The following BEST2 variants were observed in gnomAD, a reference collection of about 807,000 sequenced individuals.
BEST2 encodes the protein bestrophin 2.
Under a neutral mutation model 49.0 loss-of-function variants are expected in BEST2, and 36 were observed. The ratio of observed to expected loss-of-function variants is 0.73; its 90% CI spans 0.56 to 0.97. The LOEUF (loss-of-function observed/expected upper bound fraction) is 0.97. BEST2 is among the 50% of genes least tolerant of loss of function. The probability of loss-of-function intolerance (pLI) is 0.00; values close to 1 mark genes in which losing one functional copy is unlikely to be tolerated. For missense variants in BEST2, 672 were observed against 710.0 expected (o/e 0.95, Z 0.61); for synonymous variants, 335 against 304.4 (o/e 1.10, Z -1.05).
At chr19:12,757,279 G>T (rs1440274059) in intron 9 of BEST2, among the ~76,000 whole-genome samples, 1 of 152,042 alleles carries the variant, frequency 6.6e-6, no homozygotes, top group Admixed American at 6.6e-5. Context: ...CGGTGTGGTG[G>T]CACGCACCTG....
chr19:12,753,231 A>T, intron 2 of BEST2, 29 bp from the exon 3 acceptor site: 1 of 1,609,692 alleles, frequency 6.2e-7, no homozygotes, highest in Non-Finnish European at 8.5e-7. Flanking sequence ...CACCCTTGTG[A>T]CCTGTGACCC....
intron 4 of BEST2, 44 bp from the exon 5 acceptor site, chr19:12,754,833 G>A (rs1967917837): frequency 6.3e-7 from 1 of 1,592,924 alleles, no homozygotes; most frequent in East Asian, 2.3e-5. Flanking sequence ...AGGACCAGGT[G>A]GAGGGGGGCA....
rs1967942241 is a variant in BEST2 at position 12,756,189 on chromosome 19, G to C, written c.997G>C (p.Glu333Gln). Reference sequence around the variant, plus strand: ...GATGTATGATGACCTGGCTGTGCTGGAGAAGGACTTGTACTGGGATGCAGC... The same window carrying C: ...GATGTATGATGACCTGGCTGTGCTGCAGAAGGACTTGTACTGGGATGCAGC... ...DEMYDDLAVL[E>Q]KDLYWDAAEA... Residue 333 changes from glutamate (E) to glutamine (Q), a missense_variant, in exon 9 of 10, where the codon GAG becomes CAG. Transcript: ENST00000553030. 5.0e-6 allele frequency: 8 copies of C among 1,614,138 alleles called. No individual in the cohort carries two copies. The highest frequency in any genetic ancestry group is 3.3e-5 in the South Asian group (3 of 91,092).
chr19:12,754,999 C>A lies in BEST2; in HGVS notation c.604C>A (p.Arg202Ser), dbSNP rs1253399633. 23 of 1,611,084 alleles carry A rather than the reference C, an allele frequency of 1.4e-5. No individual in the cohort carries two copies. Among genetic ancestry groups the A allele is most frequent in the Non-Finnish European group, 1.7e-5 (20 of 1,179,146 alleles). The change falls in exon 5 of 10, where the codon CGC (arginine) becomes AGC (serine). Residue 202 changes from arginine to serine, a missense_variant. Arg to Ser is a moderately radical substitution (Grantham distance 110, BLOSUM62 -1). This residue lies in a region of BEST2 where 365 missense variants were observed against 390.9 expected (regional missense o/e 0.93). Transcript: ENST00000553030. Reference sequence around the variant, plus strand: ...ACAGGCCCGACGCGAGGGCCGCATCCGCGACAACAGCGCCCTTAAGCTGCT... The same window carrying A: ...ACAGGCCCGACGCGAGGGCCGCATCAGCGACAACAGCGCCCTTAAGCTGCT... The part of the protein sequence containing the change: ...AAQARREGRI[R>S]DNSALKLLLE...
At position 12,758,425 on chromosome 19, in the gene BEST2, G is replaced by T; in HGVS notation, c.*348G>T. 1 of 298,090 alleles carries T rather than the reference G, an allele frequency of 3.4e-6. No individual in the cohort carries two copies. The highest frequency in any genetic ancestry group is 6.2e-6 in the Non-Finnish European group (1 of 162,206). 18.5% of individuals were successfully genotyped at this position (298,090 alleles called of 1,614,324 possible). On this transcript the variant is annotated 3_prime_UTR_variant, in exon 10 of 10. Coordinates refer to ENST00000553030, the MANE Select transcript of BEST2 (RefSeq NM_017682.3). ...CATTAAAGCATTTGGTATACAGTAGGTGCTCAATAAATTGCTAGTGATTTT... is the reference window on the plus strand; with the variant it reads ...CATTAAAGCATTTGGTATACAGTAGTTGCTCAATAAATTGCTAGTGATTTT...
rs1273351411 is a variant in BEST2 at position 12,752,587 on chromosome 19, G to C, written c.-6G>C. ...TCTCCCTTGGCCACACCTGCCGGGT[G>C]CCACGATGACCGTCACCTACACAGC... On this transcript the variant is annotated 5_prime_UTR_variant, in exon 2 of 10. Transcript: ENST00000553030. 27 of 1,610,828 alleles carry C rather than the reference G, an allele frequency of 1.7e-5. No individual in the cohort carries two copies. The highest frequency in any genetic ancestry group is 2.1e-5 in the Non-Finnish European group (25 of 1,179,394).
At position 12,755,128 on chromosome 19, in the gene BEST2, G is replaced by T; in HGVS notation, c.636+97G>T. Reference sequence around the variant, plus strand: ...GCCCTCCAAGCACCCCCACGAGGCCGATTTCAAACACCCTCACCAGGTGCA... The same window carrying T: ...GCCCTCCAAGCACCCCCACGAGGCCTATTTCAAACACCCTCACCAGGTGCA... On this transcript the variant is annotated intron_variant, in intron 5 of 9. Coordinates refer to ENST00000553030, the MANE Select transcript of BEST2 (RefSeq NM_017682.3). The surrounding 1 kb of genome is among the most constrained non-coding windows in gnomAD (Gnocchi z 4.4). The T allele has an allele frequency of 7.1e-7, 1 of 1,403,042 alleles. No individual in the cohort carries two copies. 86.9% of individuals were successfully genotyped at this position (1,403,042 alleles called of 1,614,324 possible).
Position 12,758,225 on chromosome 19 carries a change from T to C in BEST2, c.*148T>C, listed in dbSNP as rs921766877. ...CTCGCTGCCCGCATGTGTTTGGCGC[T>C]GTGCTAGGGGCGGGAGTTCTTCCAG... On this transcript the variant is annotated 3_prime_UTR_variant, in exon 10 of 10. Transcript: ENST00000553030. 3 of 1,027,726 alleles carry C rather than the reference T, an allele frequency of 2.9e-6. No individual in the cohort carries two copies. Among genetic ancestry groups the C allele is most frequent in the Non-Finnish European group, 4.2e-6 (3 of 718,952 alleles). 63.7% of individuals were successfully genotyped at this position (1,027,726 alleles called of 1,614,324 possible). A position where few individuals can be genotyped will look rare whatever the true frequency, so the allele number is the denominator to read the frequency against.
Position 12,758,083 on chromosome 19 carries a change from T to TA in BEST2, c.*7dup, listed in dbSNP as rs752240973. ...AGGAGGAGAATCTGGCCTGAGATCT[T>TA]AGAGCCCAGCCCCCTAAGGACAGGG... On this transcript the variant is annotated 3_prime_UTR_variant, in exon 10 of 10. Coordinates refer to ENST00000553030, the MANE Select transcript of BEST2 (RefSeq NM_017682.3). 4 of 1,612,088 alleles carry TA rather than the reference T, an allele frequency of 2.5e-6. No individual in the cohort carries two copies. The Admixed American group carries it at 6.7e-5, about 27-fold the overall frequency.
In BEST2 at chr19:12,754,618, C is replaced by T. The variant is rs770565791; in HGVS notation, c.314C>T (p.Ala105Val). The change falls in exon 4 of 10, where the codon GCG (alanine) becomes GTG (valine). Residue 105 changes from alanine to valine, a missense_variant. By Grantham distance (64) the Ala-to-Val change is moderately conservative (BLOSUM62 0). Coordinates refer to ENST00000553030, the MANE Select transcript of BEST2 (RefSeq NM_017682.3). ...TACCTATGCATGCCGCTGCCCGACG[C>T]GCTCATGTGCGTGGTGGCGGGCACC... ...SQYLCMPLPDALMCVVAGTVH... is the reference protein window; with the variant it reads ...SQYLCMPLPDVLMCVVAGTVH... The T allele has an allele frequency of 1.6e-4, 257 of 1,562,554 alleles. No individual in the cohort carries two copies. Among genetic ancestry groups the T allele is most frequent in the Non-Finnish European group, 2.1e-4 (243 of 1,150,734 alleles).
In BEST2 at chr19:12,757,748, G is replaced by T; in HGVS notation, c.1201G>T (p.Gly401Cys). 6.5e-7 allele frequency: 1 copy of T among 1,544,350 alleles called. No homozygotes were observed. The change falls in exon 10 of 10, where the codon GGC (glycine) becomes TGC (cysteine). Residue 401 changes from glycine to cysteine, a missense_variant. Physicochemically the swap from Gly to Cys is radical, Grantham distance 159 (BLOSUM62 -3). Transcript: ENST00000553030. ...CTTCCTGCAGCGCCTCCTGCCGGCG[G>T]GCGCGGGCATGGTCGCGGGAGGCCC... ...GDFLQRLLPA[G>C]AGMVAGGPLG...
chr19:12,754,487 A>G (rs1303705817), intron 3 of BEST2, 65 bp from the exon 4 acceptor site: 1 of 1,341,352 alleles, frequency 7.5e-7, no homozygotes, highest in African/African-American at 1.5e-5. Flanking sequence ...CTCTCCCACA[A>G]CCTGGGCCCC....
chr19:12,752,702 T>C lies in BEST2; in HGVS notation c.110T>C (p.Leu37Pro), dbSNP rs1313838971. 6.2e-7 allele frequency: 1 copy of C among 1,612,350 alleles called. No homozygotes were observed. Among genetic ancestry groups the C allele is most frequent in the Non-Finnish European group, 8.5e-7 (1 of 1,179,820 alleles). The change falls in exon 2 of 10, where the codon CTC becomes CCC. Residue 37 changes from leucine to proline, a missense_variant. Transcript: ENST00000553030. Reference sequence around the variant, plus strand: ...TACAAACTCCTGTGGCGAGAGCTGCTCTGCTTCCTTGGGTTCTACATGGCG... The same window carrying C: ...TACAAACTCCTGTGGCGAGAGCTGCCCTGCTTCCTTGGGTTCTACATGGCG... ...SIYKLLWREL[L>P]CFLGFYMALS...
rs1251486466 is a variant in BEST2, at chr19:12,757,958, C to A, written c.1411C>A (p.Leu471Ile). The A allele has an allele frequency of 1.2e-6, 2 of 1,603,470 alleles. No individual in the cohort carries two copies. Among genetic ancestry groups the A allele is most frequent in the African/African-American group, 1.3e-5 (1 of 74,878 alleles). Residue 471 changes from leucine (L) to isoleucine (I), a missense_variant, in exon 10 of 10, where the codon CTT (leucine) becomes ATT (isoleucine). Physicochemically the swap from Leu to Ile is conservative, Grantham distance 5 (BLOSUM62 2). Around this residue, in one of 3 missense-constraint regions of BEST2, gnomAD observed 291 missense variants for 279.8 expected, o/e 1.04. Transcript: ENST00000553030. The stretch of plus-strand genomic sequence containing the variant: ...CCCGCCCCCTGCGGGTCCCGAACCG[C>A]TTACCCTCATCCCTGGGCCTGTCGA... The part of the protein sequence containing the change: ...EAPPPAGPEP[L>I]TLIPGPVEPF...
chr19:12,757,614 G>A (rs1381907288), intron 9 of BEST2, 37 bp from the exon 10 acceptor site: 1 of 1,517,506 alleles, frequency 6.6e-7, no homozygotes, highest in Non-Finnish European at 8.8e-7. Flanking sequence ...TCAACAAGAG[G>A]CGAGGCCGCA....
chr19:12,757,582 G>C (rs1260886710), intron 9 of BEST2, 69 bp from the exon 10 acceptor site: 1 of 1,474,358 alleles, frequency 6.8e-7, no homozygotes, highest in East Asian at 2.5e-5. Flanking sequence ...AGGGAAATCA[G>C]CGCGCCTGGG....
At position 12,753,903 on chromosome 19, in the gene BEST2, C is replaced by A. The variant is rs144018573; in HGVS notation, c.247+549C>A. ...CTGATGTACACCCCCACAAACCAGG[C>A]CCCTCTCCCCTTGTTTTAGGTCCCT... On this transcript the variant is annotated intron_variant, in intron 3 of 9. Coordinates refer to ENST00000553030, the MANE Select transcript of BEST2 (RefSeq NM_017682.3). Among the ~76,000 whole-genome samples, 1,264 of 152,072 alleles carry A rather than the reference C, an allele frequency of 8.3e-3. 15 individuals are homozygous for A. Among genetic ancestry groups the A allele is most frequent in the Non-Finnish European group, 0.014 (939 of 67,980 alleles).
chr19:12,757,508 C>G lies in BEST2; in HGVS notation c.1104-143C>G, dbSNP rs1967959220. 4.5e-6 allele frequency: 4 copies of G among 880,512 alleles called. No individual in the cohort carries two copies. The South Asian group carries it at 7.2e-5, about 16-fold the overall frequency. The allele number at this position is 880,512 out of a possible 1,614,324, so 54.5% of individuals were successfully genotyped here. Reference sequence around the variant, plus strand: ...GTTGAAGTGCAAACACAGGGTGAGGCCAGGCTCTGGGTTTAGGAGCTAAGA... The same window carrying G: ...GTTGAAGTGCAAACACAGGGTGAGGGCAGGCTCTGGGTTTAGGAGCTAAGA... On this transcript the variant is annotated intron_variant, in intron 9 of 9. Transcript: ENST00000553030.
rs1037005506 is a variant in BEST2 at position 12,758,392 on chromosome 19, A to C, written c.*315A>C. The C allele has an allele frequency of 2.2e-6, 1 of 446,460 alleles. No homozygotes were observed. The highest frequency in any genetic ancestry group is 2.1e-5 in the African/African-American group (1 of 48,198). 27.7% of individuals were successfully genotyped at this position (446,460 alleles called of 1,614,324 possible). ...CCTCCTCGAGTTGTCATGAGGATGA[A>C]AGAATGGCATTAAAGCATTTGGTAT... On this transcript the variant is annotated 3_prime_UTR_variant, in exon 10 of 10. Transcript: ENST00000553030.
Sources: allele counts gnomAD v4.1 joint callset (sites outside exome capture counted in the v4.1 genomes callset), GRCh38; gene constraint gnomAD v4.1.1; regional missense constraint gnomAD v4.1.1; non-coding constraint Gnocchi (gnomAD v3.1); transcripts MANE v1.5; gene names NCBI Gene and HGNC (gene_info 2026-07-23, HGNC 2026-07-21).